Variants in GPHN observed in about 807,000 individuals in gnomAD.
GPHN encodes gephyrin.
GPHN carries 17 observed loss-of-function variants against 95.5 expected under a neutral mutation model. The observed-to-expected ratio is 0.18, with a 90% confidence interval of 0.12 to 0.27. GPHN has a LOEUF of 0.27. Among genes scored for constraint, GPHN ranks in the 10% least tolerant of loss-of-function variants. GPHN has a pLI of 1.00. For synonymous variants in GPHN, 320 were observed against 322.5 expected, an observed-to-expected ratio of 0.99 and a Z score of 0.08; for missense variants, 660 against 978.1, an observed-to-expected ratio of 0.67 and a Z score of 4.34.
intron 1 of GPHN, among the ~76,000 whole-genome samples, chr14:66,588,566 CA>C (rs1301481879): frequency 6.6e-5 from 10 of 151,936 alleles, no homozygotes; most frequent in African/African-American, 2.4e-4. Context: ...AGCTGAAAAA[CA>C]GCACAACAAC....
chr14:66,596,301 G>T (rs1384696013), intron 1 of GPHN, among the ~76,000 whole-genome samples: 1 of 152,086 alleles, frequency 6.6e-6, no homozygotes, highest in Non-Finnish European at 1.5e-5. Flanking sequence ...CATGGCACTG[G>T]CAGTCCAGTC....
chr14:67,331,531 A>G, the GPHN span, among the ~76,000 whole-genome samples: 1 of 152,142 alleles, frequency 6.6e-6, no homozygotes, highest in African/African-American at 2.4e-5. Context: ...GAGAGTGGCT[A>G]TCTAGCAGTA....
At chr14:67,602,988 C>T in the GPHN span, among the ~76,000 whole-genome samples, 140 of 152,308 alleles carry the variant, frequency 9.2e-4, no homozygotes, top group African/African-American at 3.2e-3. Context: ...CCATTCATTT[C>T]GCCAAACTTC....
intron 2 of GPHN, among the ~76,000 whole-genome samples, chr14:66,686,082 C>G (rs926569308): frequency 2.6e-5 from 4 of 152,168 alleles, no homozygotes; most frequent in Non-Finnish European, 5.9e-5. Flanking sequence ...TTTCTGAGGG[C>G]TCTGTTCTGT....
chr14:66,581,420 A>T (rs950774705), intron 1 of GPHN, among the ~76,000 whole-genome samples: 9 of 151,986 alleles, frequency 5.9e-5, no homozygotes, highest in Non-Finnish European at 1.3e-4. Context: ...TAAGATAAAA[A>T]GTGGGAATCA....
At chr14:66,975,716 CAA>C (rs76663582) in intron 9 of GPHN, among the ~76,000 whole-genome samples, 4 of 125,960 alleles carry the variant, frequency 3.2e-5, no homozygotes, top group African/African-American at 2.9e-5. Context: ...CCTGTCTCTA[CAA>C]AAAAAAAAAA....
chr14:67,184,307 C>G (rs996569284), downstream of GPHN, among the ~76,000 whole-genome samples: 1 of 152,138 alleles, frequency 6.6e-6, no homozygotes, highest in African/African-American at 2.4e-5. Flanking sequence ...ATTAGAGATT[C>G]TTGATCAGGG....
chr14:67,183,488 T>C (rs1417914917), downstream of GPHN, among the ~76,000 whole-genome samples: 1 of 152,206 alleles, frequency 6.6e-6, no homozygotes, highest in Non-Finnish European at 1.5e-5. Context: ...CATGGTCACA[T>C]AGATAGTAGG....
At chr14:67,386,565 G>GT in the GPHN span, 1 of 152,156 alleles carries the variant, frequency 6.6e-6, no homozygotes, top group Non-Finnish European at 1.5e-5. Context: ...AACTGGTGAA[G>GT]TTTCTTGGTA....
chr14:66,746,700 T>C (rs1229375005), intron 2 of GPHN, among the ~76,000 whole-genome samples: 1 of 152,084 alleles, frequency 6.6e-6, no homozygotes, highest in Non-Finnish European at 1.5e-5. Flanking sequence ...AAAAAAGAAA[T>C]TGTTTCTTTC....
intron 9 of GPHN, among the ~76,000 whole-genome samples, chr14:66,974,997 A>T (rs2070117239): frequency 6.6e-6 from 1 of 152,206 alleles, no homozygotes; most frequent in African/African-American, 2.4e-5. Flanking sequence ...CAGCACAATG[A>T]TTAAAATATA....
At chr14:67,034,548 C>CA (rs1187618572) in intron 10 of GPHN, among the ~76,000 whole-genome samples, 2 of 152,008 alleles carry the variant, frequency 1.3e-5, no homozygotes, top group Non-Finnish European at 2.9e-5. Flanking sequence ...ACAAGAGACT[C>CA]ATGCTAGATG....
chr14:67,642,195 TA>T, the GPHN span: 1 of 1,613,882 alleles, frequency 6.2e-7, no homozygotes, highest in South Asian at 1.1e-5. Context: ...GGCTGCCACC[TA>T]AAAGACTTTG....
At chr14:66,651,510 G>A (rs548824160) in intron 1 of GPHN, among the ~76,000 whole-genome samples, 4 of 152,194 alleles carry the variant, frequency 2.6e-5, no homozygotes, top group South Asian at 2.1e-4. Context: ...AAAGACCCCC[G>A]AACTGGAAGG....
chr14:67,278,112 C>T, the GPHN span, among the ~76,000 whole-genome samples: 1 of 151,352 alleles, frequency 6.6e-6, no homozygotes, highest in East Asian at 1.9e-4. Flanking sequence ...TCTCAGCTCA[C>T]TGCGGCCTCT....
chr14:66,969,416 A>G (rs1421668476), intron 9 of GPHN: 1 of 152,226 alleles, frequency 6.6e-6, no homozygotes, highest in Non-Finnish European at 1.5e-5. Context: ...TAATTCTGTA[A>G]TTGATAAATT....
intron 17 of GPHN, among the ~76,000 whole-genome samples, chr14:67,135,216 T>C (rs2080000793): frequency 6.6e-6 from 1 of 152,156 alleles, no homozygotes; most frequent in Non-Finnish European, 1.5e-5. Flanking sequence ...TGCCTTGGCC[T>C]CCCAAAGTGC....
At chr14:67,730,369 G>C in the GPHN span, among the ~76,000 whole-genome samples, 1 of 152,126 alleles carries the variant, frequency 6.6e-6, no homozygotes, top group African/African-American at 2.4e-5. Context: ...CACTGTAAGT[G>C]TACAGTGCAT....
chr14:67,108,013 G>A (rs541356559), intron 13 of GPHN, among the ~76,000 whole-genome samples: 8 of 152,280 alleles, frequency 5.3e-5, no homozygotes, highest in Middle Eastern at 3.4e-3. Context: ...CCATAACAGA[G>A]CAATATGTCT....
Sources: gnomAD v4.1 joint callset for allele counts (sites outside exome capture counted in the v4.1 genomes callset) on GRCh38, gnomAD v4.1.1 for gene constraint, MANE v1.5 for transcripts, NCBI Gene and HGNC (gene_info 2026-07-23, HGNC 2026-07-21) for gene names.